FCGR2A: variants seen among roughly 807,000 people sequenced by gnomAD.
The protein encoded by FCGR2A is low affinity immunoglobulin gamma Fc region receptor II-a.
FCGR2A carries 18 observed loss-of-function variants against 29.3 expected under a neutral mutation model. The ratio of observed to expected loss-of-function variants is 0.62; its 90% CI spans 0.43 to 0.91. The LOEUF is 0.91. FCGR2A is among the 40% of genes least tolerant of loss of function. The pLI, the probability that FCGR2A is intolerant of heterozygous loss-of-function variation, is 0.00. For synonymous variants in FCGR2A, 126 were observed against 144.8 expected (o/e 0.87, Z 0.93); for missense variants, 287 against 393.0 (o/e 0.73, Z 2.28).
In FCGR2A at chr1:161,518,500, A is replaced by G. The variant is rs1676280172; in HGVS notation, c.*352A>G. ...CCCCAAAAAACAATTATGTAATTGA[A>G]AACCAACCGATTGCCTTTATTTTGC... On this transcript the variant is annotated 3_prime_UTR_variant, in exon 7 of 7. Coordinates refer to ENST00000271450, the MANE Select transcript of FCGR2A (RefSeq NM_001136219.3). The G allele has an allele frequency of 3.3e-6, 1 of 303,362 alleles. No homozygotes were observed. The highest frequency in any genetic ancestry group is 7.7e-5 in the East Asian group (1 of 13,032). 18.8% of individuals were successfully genotyped at this position (303,362 alleles called of 1,614,324 possible).
At chr1:161,511,469 CAGACTG>C (rs1277187952) in intron 5 of FCGR2A, among the ~76,000 whole-genome samples, 10 of 152,158 alleles carry the variant, frequency 6.6e-5, no homozygotes, top group Non-Finnish European at 1.2e-4. Flanking sequence ...GAGAGAGAGG[CAGACTG>C]TGAGACACAG....
In FCGR2A at chr1:161,519,749, T is replaced by C. The variant is rs1216514151; in HGVS notation, c.*1601T>C. 2.6e-5 allele frequency: 4 copies of C among 152,086 alleles called. 2 individuals are homozygous for C. Among genetic ancestry groups the C allele is most frequent in the Non-Finnish European group, 5.9e-5 (4 of 68,006 alleles). The allele number at this position is 152,086 out of a possible 1,614,324, so 9.4% of individuals were successfully genotyped here. A position where few individuals can be genotyped will look rare whatever the true frequency, so the allele number is the denominator to read the frequency against. ...CTCTTCTTAGAACTGAATACTCTTC[T>C]TCTAATGAACTTGTATTCTTGTTTC... is the stretch of plus-strand genomic sequence containing the variant. On this transcript the variant is annotated 3_prime_UTR_variant, in exon 7 of 7. Transcript: ENST00000271450.
intron 3 of FCGR2A, among the ~76,000 whole-genome samples, chr1:161,507,228 C>CT (rs11291975): frequency 4.0e-4 from 61 of 151,160 alleles, no homozygotes; most frequent in Non-Finnish European, 3.5e-4. Flanking sequence ...GATAGTATTT[C>CT]TTTTTTTTTT....
At chr1:161,507,311 C>T (rs1675479468) in intron 3 of FCGR2A, among the ~76,000 whole-genome samples, 1 of 152,102 alleles carries the variant, frequency 6.6e-6, no homozygotes, top group South Asian at 2.1e-4. Context: ...TTTATAGAGA[C>T]AGGGTCTCAG....
chr1:161,523,091 T>C (rs1048841160), downstream of FCGR2A: 5 of 152,132 alleles, frequency 3.3e-5, no homozygotes, highest in South Asian at 4.2e-4. Flanking sequence ...ACTGCTAAAT[T>C]GTAACACCAG....
chr1:161,523,674 C>G (rs1459875524), downstream of FCGR2A: 1 of 152,108 alleles, frequency 6.6e-6, no homozygotes, highest in Admixed American at 6.6e-5. Flanking sequence ...AGGTCTCTCC[C>G]GAGTCCCAGG....
At chr1:161,506,288 C>T in intron 2 of FCGR2A, 46 bp from the exon 3 acceptor site, 1 of 1,608,480 alleles carries the variant, frequency 6.2e-7, no homozygotes. Context: ...ATCCACAGTC[C>T]CTTCAGGGTT....
At chr1:161,512,532 C>A (rs1377524954) in intron 5 of FCGR2A, among the ~76,000 whole-genome samples, 1 of 150,026 alleles carries the variant, frequency 6.7e-6, no homozygotes, top group South Asian at 2.1e-4. Context: ...GCCAGGGTGA[C>A]CTCTCAGGCC....
At chr1:161,522,238 C>T (rs182296940), downstream of FCGR2A, among the ~76,000 whole-genome samples, 4 of 152,048 alleles carry the variant, frequency 2.6e-5, no homozygotes, top group African/African-American at 4.8e-5. Context: ...AAACCCCCAA[C>T]AACCCTACAG....
At chr1:161,506,297 T>C (rs1571957196) in intron 2 of FCGR2A, 37 bp from the exon 3 acceptor site, 2 of 1,612,084 alleles carry the variant, frequency 1.2e-6, no homozygotes, top group Non-Finnish European at 1.7e-6. Flanking sequence ...CCCTTCAGGG[T>C]TATTTATTCC....
rs1484271316 is a variant in FCGR2A at position 161,518,222 on chromosome 1, G to A, written c.*74G>A. 4 of 1,563,132 alleles carry A rather than the reference G, an allele frequency of 2.6e-6. No individual in the cohort carries two copies. The East Asian group carries it at 9.0e-5, about 35-fold the overall frequency. On this transcript the variant is annotated 3_prime_UTR_variant, in exon 7 of 7. Coordinates refer to ENST00000271450, the MANE Select transcript of FCGR2A (RefSeq NM_001136219.3). ...GACAAAAAGAGGGGAATTGTTAAAG[G>A]AAAATTTAAATGGAGACTGGAAAAA...
chr1:161,513,769 G>A, intron 5 of FCGR2A, 126 bp from the exon 6 acceptor site: 2 of 1,396,338 alleles, frequency 1.4e-6, no homozygotes, highest in Non-Finnish European at 2.0e-6. Context: ...TGGCCTTACA[G>A]GACTGTGTCA....
intron 3 of FCGR2A, chr1:161,506,844 A>G: frequency 3.0e-6 from 2 of 668,412 alleles, no homozygotes; most frequent in South Asian, 4.3e-5. Flanking sequence ...CAAGGGGGTT[A>G]CGAGGCCACA....
At chr1:161,510,706 A>G in intron 4 of FCGR2A, 128 bp from the exon 5 acceptor site, 1 of 1,249,210 alleles carries the variant, frequency 8.0e-7, no homozygotes, top group Non-Finnish European at 1.1e-6. Flanking sequence ...AGTGACTCAG[A>G]CACAGAAGAG....
chr1:161,506,363 G>A lies in FCGR2A; in HGVS notation c.136G>A (p.Glu46Lys), dbSNP rs768827287. The change falls in exon 3 of 7, where the codon GAG becomes AAG. Residue 46 changes from glutamate (E) to lysine (K), a missense_variant. This residue lies in a region of FCGR2A where 181 missense variants were observed against 250.9 expected (regional missense o/e 0.72). Transcript: ENST00000271450. ...TCCCCCAAAGGCTGTGCTGAAACTTGAGCCCCCGTGGATCAACGTGCTCCA... is the reference window on the plus strand; with the variant it reads ...TCCCCCAAAGGCTGTGCTGAAACTTAAGCCCCCGTGGATCAACGTGCTCCA... Reference protein sequence around the residue: ...AAPPKAVLKLEPPWINVLQED... With the variant: ...AAPPKAVLKLKPPWINVLQED... 1.2e-6 allele frequency: 2 copies of A among 1,614,146 alleles called. No homozygotes were observed. The highest frequency in any genetic ancestry group is 2.2e-5 in the East Asian group (1 of 44,870).
intron 4 of FCGR2A, 42 bp downstream of exon 4, chr1:161,510,116 G>A: frequency 6.2e-7 from 1 of 1,609,560 alleles, no homozygotes; most frequent in South Asian, 1.1e-5. Flanking sequence ...GAGAAGAGGG[G>A]ATGGACAAGG....
downstream of FCGR2A, among the ~76,000 whole-genome samples, chr1:161,521,502 T>TAA (rs1283358202): frequency 2.4e-4 from 2 of 8,394 alleles, no homozygotes; most frequent in Non-Finnish European, 4.9e-4. Flanking sequence ...CACTGACTTT[T>TAA]ATATATATAT....
Position 161,505,512 on chromosome 1 carries a change from C to A in FCGR2A, c.45C>A (p.Asn15Lys). The A allele has an allele frequency of 6.2e-7, 1 of 1,614,166 alleles. No homozygotes were observed. The highest frequency in any genetic ancestry group is 8.5e-7 in the Non-Finnish European group (1 of 1,180,006). Residue 15 changes from asparagine (N) to lysine (K), a missense_variant, in exon 1 of 7, where the codon AAC becomes AAA. Transcript: ENST00000271450. ...TGTCTCAGAATGTATGTCCCAGAAACCTGTGGCTGCTTCAACCATTGACAG... is the reference window on the plus strand; with the variant it reads ...TGTCTCAGAATGTATGTCCCAGAAAACTGTGGCTGCTTCAACCATTGACAG... ...TQMSQNVCPR[N>K]LWLLQPLTVL...
chr1:161,522,385 C>G (rs9427401), downstream of FCGR2A, among the ~76,000 whole-genome samples: 12,972 of 152,048 alleles, frequency 0.085, 821 homozygotes, highest in Middle Eastern at 0.12. Context: ...CTCTGTGATG[C>G]TGTGGTAACA....
Sources: gnomAD v4.1 joint callset for allele counts (sites outside exome capture counted in the v4.1 genomes callset) on GRCh38, gnomAD v4.1.1 for gene constraint, gnomAD v4.1.1 regional missense constraint, MANE v1.5 for transcripts, NCBI Gene and HGNC (gene_info 2026-07-23, HGNC 2026-07-21) for gene names.